The following PARD3B variants were observed in gnomAD, a reference collection of about 807,000 sequenced individuals.
PARD3B encodes par-3 family cell polarity regulator beta.
In PARD3B, 103 loss-of-function variants were observed where a neutral mutation model predicts 130.2. The ratio of observed to expected loss-of-function variants is 0.79; its 90% CI spans 0.67 to 0.93. The LOEUF (loss-of-function observed/expected upper bound fraction) is 0.93. Among genes scored for constraint, PARD3B ranks in the 40% least tolerant of loss-of-function variants. The pLI, the probability that PARD3B is intolerant of heterozygous loss-of-function variation, is 0.00. For missense variants in PARD3B, 1,609 were observed against 1,499.2 expected (o/e 1.07, Z -1.21); for synonymous variants, 583 against 553.2 (o/e 1.05, Z -0.76).
intron 19 of PARD3B, among the ~76,000 whole-genome samples, chr2:205,436,141 C>T (rs1275089765): frequency 3.3e-5 from 5 of 152,112 alleles, no homozygotes. Flanking sequence ...TGCTCTGTAG[C>T]CCATTTATAA....
intron 18 of PARD3B, among the ~76,000 whole-genome samples, chr2:205,379,932 G>A (rs1250769857): frequency 6.6e-6 from 1 of 150,712 alleles, no homozygotes; most frequent in Non-Finnish European, 1.5e-5. Context: ...TCCAGGCACA[G>A]TGGCACGCAC....
rs555165451 is a variant in PARD3B, at chr2:205,232,281, C to T, written c.2141-13497C>T. Among the ~76,000 whole-genome samples the T allele has an allele frequency of 1.4e-4, 21 of 152,166 alleles. 1 individual carries two copies. In the South Asian group the frequency reaches 3.5e-3, roughly 26 times the overall value. The stretch of plus-strand genomic sequence containing the variant: ...CCTGGGCGATATAGTGAAACCCCTA[C>T]GCACACACACAGAGTGTAAATATTA... On this transcript the variant is annotated intron_variant, in intron 15 of 22. Transcript: ENST00000406610.
At chr2:204,641,319 G>C (rs1332113990) in intron 1 of PARD3B, among the ~76,000 whole-genome samples, 1 of 151,718 alleles carries the variant, frequency 6.6e-6, no homozygotes, top group Non-Finnish European at 1.5e-5. Context: ...TAGTGAAAAT[G>C]TAAAAACAAC....
intron 18 of PARD3B, among the ~76,000 whole-genome samples, chr2:205,396,977 A>G (rs149286885): frequency 4.1e-4 from 62 of 152,228 alleles, no homozygotes; most frequent in Middle Eastern, 3.4e-3. Flanking sequence ...AAAGGAAAAC[A>G]AAGGCTTGGA....
chr2:204,825,873 C>G (rs765844740), intron 2 of PARD3B, among the ~76,000 whole-genome samples: 12 of 152,190 alleles, frequency 7.9e-5, no homozygotes, highest in Non-Finnish European at 1.8e-4. Context: ...GGCTCCTACT[C>G]TACCTAGATT....
intron 1 of PARD3B, among the ~76,000 whole-genome samples, chr2:204,600,127 C>T (rs977197456): frequency 1.3e-5 from 2 of 151,648 alleles, no homozygotes; most frequent in African/African-American, 2.4e-5. Context: ...CTGTAGGTTG[C>T]CTTTTTTCTC....
intron 15 of PARD3B, among the ~76,000 whole-genome samples, chr2:205,227,665 T>G (rs1337578761): frequency 6.6e-6 from 1 of 152,154 alleles, no homozygotes; most frequent in East Asian, 1.9e-4. Context: ...TTAGAGAATG[T>G]AGTCCACTTA....
At position 205,249,013 on chromosome 2, in the gene PARD3B, T is replaced by G. The variant is rs867446951; in HGVS notation, c.2185+3191T>G. On this transcript the variant is annotated intron_variant, in intron 16 of 22. Transcript: ENST00000406610. Reference sequence around the variant, plus strand: ...ATTTAGGTTAAAATAAGAGTTTTTTTTTTTTTTTTTTTTTGAGACAGATTC... The same window carrying G: ...ATTTAGGTTAAAATAAGAGTTTTTTGTTTTTTTTTTTTTTGAGACAGATTC... Among the ~76,000 whole-genome samples, 1,315 of 144,962 alleles carry G rather than the reference T, an allele frequency of 9.1e-3. 15 individuals are homozygous for G. The highest frequency in any genetic ancestry group is 0.017 in the African/African-American group (643 of 38,766).
At chr2:204,843,746 C>G (rs925975273) in intron 2 of PARD3B, among the ~76,000 whole-genome samples, 2 of 152,104 alleles carry the variant, frequency 1.3e-5, no homozygotes, top group African/African-American at 4.8e-5. Context: ...GAATTTCTGC[C>G]TTTGTCTGTT....
intron 13 of PARD3B, among the ~76,000 whole-genome samples, chr2:205,185,511 A>T (rs1268951921): frequency 6.6e-6 from 1 of 152,190 alleles, no homozygotes; most frequent in Non-Finnish European, 1.5e-5. Flanking sequence ...AAGGTAGTCA[A>T]GATCTGTGGA....
At chr2:205,517,376 A>G (rs1038316989) in intron 21 of PARD3B, among the ~76,000 whole-genome samples, 3 of 152,132 alleles carry the variant, frequency 2.0e-5, no homozygotes, top group Non-Finnish European at 2.9e-5. Flanking sequence ...AGAGGTGTTC[A>G]TAGTAGCTTC....
At chr2:204,952,824 C>T (rs13384100) in intron 2 of PARD3B, among the ~76,000 whole-genome samples, 3,091 of 151,722 alleles carry the variant, frequency 0.02, 104 homozygotes, top group African/African-American at 0.071. Flanking sequence ...TGGTGAAACC[C>T]ACCTCTACTA....
At chr2:204,841,901 A>G (rs1027332610) in intron 2 of PARD3B, among the ~76,000 whole-genome samples, 5 of 151,266 alleles carry the variant, frequency 3.3e-5, no homozygotes, top group Non-Finnish European at 5.9e-5. Context: ...ATAACAAATA[A>G]TAAGAGAAAA....
At chr2:204,567,207 T>A (rs907092819) in intron 1 of PARD3B, among the ~76,000 whole-genome samples, 1 of 152,192 alleles carries the variant, frequency 6.6e-6, no homozygotes, top group African/African-American at 2.4e-5. Context: ...ATGTTGGATT[T>A]TTTTTTCGTT....
intron 16 of PARD3B, among the ~76,000 whole-genome samples, chr2:205,297,648 G>C (rs186335323): frequency 1.3e-5 from 2 of 152,216 alleles, no homozygotes; most frequent in Admixed American, 1.3e-4. Context: ...ATCCTTATAA[G>C]GACTTTCCTG....
rs138389001 is a variant in PARD3B at position 204,857,473 on chromosome 2, C to T, written c.223-107679C>T. ...AAAAGACAGATGAATGAGAAAAAATCATACAAATGTACTTAATATAAAAGT... is the reference window on the plus strand; with the variant it reads ...AAAAGACAGATGAATGAGAAAAAATTATACAAATGTACTTAATATAAAAGT... On this transcript the variant is annotated intron_variant, in intron 2 of 22. Transcript: ENST00000406610. Among the ~76,000 whole-genome samples the T allele has an allele frequency of 7.7e-3, 1,165 of 152,166 alleles. 12 individuals are homozygous for T. The highest frequency in any genetic ancestry group is 0.041 in the Middle Eastern group (12 of 294).
intron 20 of PARD3B, among the ~76,000 whole-genome samples, chr2:205,450,505 G>A (rs907808494): frequency 2.5e-5 from 3 of 121,846 alleles, no homozygotes; most frequent in East Asian, 2.3e-4. Flanking sequence ...GTGGAGTCTC[G>A]CACTGTTGCC....
chr2:204,776,333 T>C (rs1322989976), intron 2 of PARD3B, among the ~76,000 whole-genome samples: 1 of 152,134 alleles, frequency 6.6e-6, no homozygotes, highest in African/African-American at 2.4e-5. Flanking sequence ...TTAATTAAGA[T>C]TTTTAATATG....
chr2:204,883,416 TAA>T (rs1491426276), intron 2 of PARD3B, among the ~76,000 whole-genome samples: 50 of 114,854 alleles, frequency 4.4e-4, no homozygotes, highest in African/African-American at 1.5e-3. Context: ...TATATATATA[TAA>T]TATATATATA....
Sources: gnomAD v4.1 joint callset for allele counts (sites outside exome capture counted in the v4.1 genomes callset) on GRCh38, gnomAD v4.1.1 for gene constraint, MANE v1.5 for transcripts, NCBI Gene and HGNC (gene_info 2026-07-23, HGNC 2026-07-21) for gene names.